Variants in C11orf65 observed in about 807,000 individuals in gnomAD.
C11orf65 encodes chromosome 11 open reading frame 65.
Under a neutral mutation model 35.3 loss-of-function variants are expected in C11orf65, and 38 were observed. That is an observed-to-expected ratio of 1.08 (90% CI 0.83 to 1.41). The LOEUF is 1.41. Ranked by LOEUF, C11orf65 falls within the 40% of genes most tolerant of loss-of-function variation. The pLI is 0.00. For missense variants in C11orf65, 370 were observed against 367.1 expected, an observed-to-expected ratio of 1.01 and a Z score of -0.06; for synonymous variants, 105 against 114.4, an observed-to-expected ratio of 0.92 and a Z score of 0.53.
intron 2 of C11orf65, among the ~76,000 whole-genome samples, chr11:108,377,298 C>T (rs1443444713): frequency 1.3e-5 from 2 of 152,178 alleles, no homozygotes; most frequent in Admixed American, 1.3e-4. Context: ...AAGTGGGCTT[C>T]ATCCCTGGGA....
chr11:108,326,420 ATCAG>A (rs1475667502), downstream of C11orf65, among the ~76,000 whole-genome samples: 1 of 152,244 alleles, frequency 6.6e-6, no homozygotes, highest in Non-Finnish European at 1.5e-5. Flanking sequence ...TCACAATTCT[ATCAG>A]TCCATCATGT....
chr11:108,323,217 G>A (rs1301219298), intron 6 of C11orf65, among the ~76,000 whole-genome samples: 1 of 152,166 alleles, frequency 6.6e-6, no homozygotes, highest in Non-Finnish European at 1.5e-5. Flanking sequence ...ACATATTAAT[G>A]TGGCTTAGGA....
In C11orf65 at chr11:108,461,462, C is replaced by T. The variant is rs1389533851; in HGVS notation, c.81+17G>A. On this transcript the variant is annotated intron_variant, in intron 2 of 8. Coordinates refer to ENST00000393084, the MANE Select transcript of C11orf65 (RefSeq NM_152587.5). ...ACATAAAAATTATATTTCAATAAAA[C>T]TTCTAAATAAACTCACAAGGAAACT... 3 of 1,563,684 alleles carry T rather than the reference C, an allele frequency of 1.9e-6. No individual in the cohort carries two copies. Among genetic ancestry groups the T allele is most frequent in the Non-Finnish European group, 2.6e-6 (3 of 1,143,668 alleles).
At chr11:108,463,394 G>A (rs572315150) in intron 1 of C11orf65, among the ~76,000 whole-genome samples, 12 of 152,152 alleles carry the variant, frequency 7.9e-5, no homozygotes, top group African/African-American at 2.9e-4. Flanking sequence ...TTCCTAATTT[G>A]GTAAATTGTT....
intron 3 of C11orf65, among the ~76,000 whole-genome samples, chr11:108,420,687 G>A (rs1404701553): frequency 6.6e-6 from 1 of 152,128 alleles, no homozygotes; most frequent in Non-Finnish European, 1.5e-5. Context: ...ATGATTTAGA[G>A]CTCTCAGTAT....
At chr11:108,381,289 A>G (rs926063218), downstream of C11orf65, among the ~76,000 whole-genome samples, 1 of 152,190 alleles carries the variant, frequency 6.6e-6, no homozygotes, top group African/African-American at 2.4e-5. Flanking sequence ...GTTGAGACTC[A>G]GCAGAACTGA....
chr11:108,403,412 T>TC (rs1357897955), intron 6 of C11orf65, among the ~76,000 whole-genome samples: 3 of 144,488 alleles, frequency 2.1e-5, no homozygotes, highest in Non-Finnish European at 4.5e-5. Flanking sequence ...TTGAGAGGTT[T>TC]TTTTTTTGTT....
intron 2 of C11orf65, among the ~76,000 whole-genome samples, chr11:108,364,268 A>G (rs2091101771): frequency 6.6e-6 from 1 of 152,182 alleles, no homozygotes; most frequent in Non-Finnish European, 1.5e-5. Context: ...ATCATTCTTT[A>G]TATTGTCTCC....
At chr11:108,434,827 C>A (rs2093039324) in intron 2 of C11orf65, among the ~76,000 whole-genome samples, 1 of 152,152 alleles carries the variant, frequency 6.6e-6, no homozygotes, top group Non-Finnish European at 1.5e-5. Context: ...CATGGTATTC[C>A]ACACAGCATT....
rs11518308 is a variant in C11orf65, at chr11:108,360,173, C to A, written c.227-24881G>T. Among the ~76,000 whole-genome samples the A allele has an allele frequency of 5.9e-3, 892 of 149,930 alleles. 5 individuals are homozygous for A. The highest frequency in any genetic ancestry group is 0.01 in the East Asian group (53 of 5,066). On this transcript the variant is annotated intron_variant, in intron 2 of 3. Transcript: ENST00000524755. ...TCAGAGAATACTACAAACACCTCTA[C>A]GCAAATAAACTAGAAAATCTAGAAG... is the stretch of plus-strand genomic sequence containing the variant.
intron 2 of C11orf65, among the ~76,000 whole-genome samples, chr11:108,442,239 A>G (rs1336520761): frequency 6.6e-6 from 1 of 152,222 alleles, no homozygotes; most frequent in Admixed American, 6.5e-5. Flanking sequence ...ATTGAAGATC[A>G]AAAGAATGAA....
At chr11:108,350,772 G>A (rs1565574196) in intron 2 of C11orf65, among the ~76,000 whole-genome samples, 2 of 152,148 alleles carry the variant, frequency 1.3e-5, no homozygotes, top group Non-Finnish European at 2.9e-5. Context: ...TCTGGAAGAT[G>A]CAAATTAGAG....
chr11:108,444,049 T>A (rs1001880155), intron 2 of C11orf65, among the ~76,000 whole-genome samples: 2 of 151,658 alleles, frequency 1.3e-5, no homozygotes, highest in Admixed American at 6.6e-5. Context: ...TTTAAAAAGA[T>A]CAACAAAATT....
chr11:108,455,197 G>C (rs562487214), intron 2 of C11orf65, among the ~76,000 whole-genome samples: 2 of 152,220 alleles, frequency 1.3e-5, no homozygotes, highest in East Asian at 3.9e-4. Flanking sequence ...GAACATGGAT[G>C]CCCCTGCTTA....
At chr11:108,359,025 A>G (rs1244281) in intron 2 of C11orf65, among the ~76,000 whole-genome samples, 221 of 150,750 alleles carry the variant, frequency 1.5e-3, no homozygotes, top group African/African-American at 4.5e-3. Context: ...GTCAAGACCC[A>G]TCAGTGTGCT....
chr11:108,353,835 T>C lies in C11orf65; in HGVS notation c.227-18543A>G, dbSNP rs780303327. On this transcript the variant is annotated intron_variant, in intron 2 of 3. Coordinates refer to the C11orf65 transcript ENST00000524755. ...GTTCCTTTTAGACTCACCAGAGATA[T>C]TGTGGATGGCATGGGCATTACGGGT... 6.8e-6 allele frequency: 11 copies of C among 1,613,956 alleles called. No individual in the cohort carries two copies. Among genetic ancestry groups the C allele is most frequent in the Admixed American group, 3.3e-5 (2 of 59,990 alleles).
intron 6 of C11orf65, chr11:108,312,526 G>T: frequency 6.8e-7 from 1 of 1,464,864 alleles, no homozygotes; most frequent in South Asian, 1.1e-5. Context: ...TATTATTTAT[G>T]ACAGTATTTA....
Position 108,406,804 on chromosome 11 carries a change from G to C in C11orf65, c.388C>G (p.His130Asp). ...LQEEDHSGWY[H>D]RIENNGWRPV... ...CTCCAGCCATTGTTTTCTATACGATGATACCAGCCACTATGATCCTCTTCC... is the reference window on the plus strand; with the variant it reads ...CTCCAGCCATTGTTTTCTATACGATCATACCAGCCACTATGATCCTCTTCC... Residue 130 changes from histidine (H) to aspartate (D), a missense_variant, in exon 5 of 9, where the codon CAT becomes GAT. Transcript: ENST00000393084. The C allele has an allele frequency of 6.2e-7, 1 of 1,612,098 alleles. No individual in the cohort carries two copies. Among genetic ancestry groups the C allele is most frequent in the Non-Finnish European group, 8.5e-7 (1 of 1,178,938 alleles).
chr11:108,437,749 A>G (rs1406023551), intron 2 of C11orf65, among the ~76,000 whole-genome samples: 3 of 148,610 alleles, frequency 2.0e-5, no homozygotes, highest in Admixed American at 1.3e-4. Flanking sequence ...GGATAAGGAA[A>G]TTAAACGGAA....
Sources: allele counts gnomAD v4.1 joint callset (sites outside exome capture counted in the v4.1 genomes callset), GRCh38; gene constraint gnomAD v4.1.1; transcripts MANE v1.5; gene names NCBI Gene and HGNC (gene_info 2026-07-23, HGNC 2026-07-21).